The following NKAIN2 variants were observed in gnomAD, a reference collection of about 807,000 sequenced individuals.
NKAIN2 encodes sodium/potassium-transporting ATPase subunit beta-1-interacting protein 2.
NKAIN2 carries 14 observed loss-of-function variants against 32.6 expected under a neutral mutation model. That is an observed-to-expected ratio of 0.43 (90% CI 0.28 to 0.67). NKAIN2 has a LOEUF of 0.67. Among genes scored for constraint, NKAIN2 ranks in the 30% least tolerant of loss-of-function variants. The pLI is 0.17. For missense variants in NKAIN2, 198 were observed against 258.3 expected, an observed-to-expected ratio of 0.77 and a Z score of 1.60; for synonymous variants, 80 against 87.2, an observed-to-expected ratio of 0.92 and a Z score of 0.46.
chr6:124,524,689 G>T (rs1779247037), intron 3 of NKAIN2, among the ~76,000 whole-genome samples: 3 of 152,168 alleles, frequency 2.0e-5, no homozygotes, highest in Non-Finnish European at 2.9e-5. Flanking sequence ...GAGCCAGCTG[G>T]TGACAAAAGT....
intron 3 of NKAIN2, among the ~76,000 whole-genome samples, chr6:124,529,732 A>G (rs551649274): frequency 6.6e-6 from 1 of 152,166 alleles, no homozygotes; most frequent in Non-Finnish European, 1.5e-5. Context: ...CAAGAATAGC[A>G]GATGTTTTCT....
chr6:124,702,373 A>C (rs962156098), intron 4 of NKAIN2, among the ~76,000 whole-genome samples: 1 of 152,160 alleles, frequency 6.6e-6, no homozygotes, highest in African/African-American at 2.4e-5. Flanking sequence ...GACAAAGAGC[A>C]AAAAGATATT....
intron 1 of NKAIN2, among the ~76,000 whole-genome samples, chr6:124,138,406 C>A (rs1475179405): frequency 6.6e-6 from 1 of 151,984 alleles, no homozygotes; most frequent in Non-Finnish European, 1.5e-5. Context: ...TAAGCTCATA[C>A]AAACACTATG....
chr6:124,613,857 G>T (rs1377693131), intron 3 of NKAIN2, among the ~76,000 whole-genome samples: 2 of 152,116 alleles, frequency 1.3e-5, no homozygotes, highest in Non-Finnish European at 2.9e-5. Flanking sequence ...TTAGTACCCT[G>T]CCTGAAACCT....
intron 1 of NKAIN2, among the ~76,000 whole-genome samples, chr6:124,256,289 C>G (rs1367538848): frequency 6.6e-6 from 1 of 152,102 alleles, no homozygotes; most frequent in Non-Finnish European, 1.5e-5. Context: ...ATTTTTCTGT[C>G]ATATATTTCT....
chr6:124,620,653 T>TAAAG (rs1168188399), intron 3 of NKAIN2, among the ~76,000 whole-genome samples: 2 of 152,180 alleles, frequency 1.3e-5, no homozygotes. Context: ...GGTTAGGGTT[T>TAAAG]AAAGATTACA....
chr6:124,144,867 G>C (rs1014484000), intron 1 of NKAIN2, among the ~76,000 whole-genome samples: 5 of 152,074 alleles, frequency 3.3e-5, no homozygotes, highest in Non-Finnish European at 1.5e-5. Flanking sequence ...AATATCTGTA[G>C]ACCACAAAGA....
intron 1 of NKAIN2, among the ~76,000 whole-genome samples, chr6:123,867,577 A>G (rs1772601126): frequency 6.6e-6 from 1 of 152,244 alleles, no homozygotes; most frequent in South Asian, 2.1e-4. Context: ...TGGCAAATAA[A>G]TAGGGACTCA....
intron 3 of NKAIN2, among the ~76,000 whole-genome samples, chr6:124,494,847 G>T (rs1030232980): frequency 1.3e-5 from 2 of 151,940 alleles, no homozygotes; most frequent in Non-Finnish European, 2.9e-5. Flanking sequence ...CAGAAAAAAC[G>T]AAAGCAAGCA....
intron 3 of NKAIN2, among the ~76,000 whole-genome samples, chr6:124,359,447 T>C (rs915909230): frequency 2.0e-5 from 3 of 152,190 alleles, no homozygotes; most frequent in African/African-American, 7.2e-5. Flanking sequence ...TTTTATTTCA[T>C]TGAGCAGTGG....
intron 3 of NKAIN2, among the ~76,000 whole-genome samples, chr6:124,637,991 A>G (rs190527576): frequency 6.6e-6 from 1 of 152,314 alleles, no homozygotes; most frequent in Non-Finnish European, 1.5e-5. Context: ...GCATCATACT[A>G]TCTAACTTAA....
chr6:124,548,137 A>T (rs145276806), intron 3 of NKAIN2, among the ~76,000 whole-genome samples: 2 of 152,210 alleles, frequency 1.3e-5, no homozygotes, highest in East Asian at 3.9e-4. Flanking sequence ...CTTAAGCAAA[A>T]CTCACCAAGG....
intron 4 of NKAIN2, among the ~76,000 whole-genome samples, chr6:124,762,947 T>C (rs1458265579): frequency 6.6e-6 from 1 of 152,198 alleles, no homozygotes; most frequent in Non-Finnish European, 1.5e-5. Context: ...CAGGAAAGAA[T>C]TAAAGTCAAA....
intron 1 of NKAIN2, among the ~76,000 whole-genome samples, chr6:124,156,278 G>A (rs1172958987): frequency 6.6e-6 from 1 of 152,128 alleles, no homozygotes; most frequent in Admixed American, 6.6e-5. Flanking sequence ...TTTTACCAGA[G>A]TAGAGGAGGT....
intron 1 of NKAIN2, among the ~76,000 whole-genome samples, chr6:123,937,206 C>A (rs1776552608): frequency 6.6e-6 from 1 of 152,094 alleles, no homozygotes; most frequent in South Asian, 2.1e-4. Context: ...TGCCTCATAC[C>A]TCAGGAATCA....
intron 3 of NKAIN2, among the ~76,000 whole-genome samples, chr6:124,400,450 TA>T (rs1018523784): frequency 6.6e-6 from 1 of 152,078 alleles, no homozygotes; most frequent in African/African-American, 2.4e-5. Flanking sequence ...TCTATCTATA[TA>T]TTTTTTTAAT....
intron 1 of NKAIN2, among the ~76,000 whole-genome samples, chr6:123,821,822 A>C (rs1440335835): frequency 6.6e-6 from 1 of 152,218 alleles, no homozygotes; most frequent in Non-Finnish European, 1.5e-5. Context: ...TGATTTTAGA[A>C]TCTAAGAAGA....
intron 1 of NKAIN2, among the ~76,000 whole-genome samples, chr6:124,194,671 A>C (rs897253778): frequency 2.0e-5 from 3 of 152,108 alleles, no homozygotes; most frequent in Non-Finnish European, 4.4e-5. Flanking sequence ...TGAGATTTCC[A>C]TAGTACACGA....
At chr6:124,605,211 C>T (rs1225619025) in intron 3 of NKAIN2, among the ~76,000 whole-genome samples, 1 of 151,934 alleles carries the variant, frequency 6.6e-6, no homozygotes, top group Non-Finnish European at 1.5e-5. Context: ...TGCCAGGAAA[C>T]TTCTGTACTG....
Sources: allele counts gnomAD v4.1 joint callset (sites outside exome capture counted in the v4.1 genomes callset), GRCh38; gene constraint gnomAD v4.1.1; transcripts MANE v1.5; gene names NCBI Gene and HGNC (gene_info 2026-07-23, HGNC 2026-07-21).